The following COL5A2 variants were observed in gnomAD, a reference collection of about 807,000 sequenced individuals.
The protein encoded by COL5A2 is collagen type V alpha 2 chain.
Under a neutral mutation model 208.2 loss-of-function variants are expected in COL5A2, and 23 were observed. That is an observed-to-expected ratio of 0.11 (90% CI 0.08 to 0.16). The LOEUF is 0.16. Among genes scored for constraint, COL5A2 ranks in the 10% least tolerant of loss-of-function variants. The pLI, the probability that COL5A2 is intolerant of heterozygous loss-of-function variation, is 1.00. For synonymous variants in COL5A2, 625 were observed against 628.5 expected, an observed-to-expected ratio of 0.99 and a Z score of 0.08; for missense variants, 1,590 against 1,956.4, an observed-to-expected ratio of 0.81 and a Z score of 3.53.
chr2:189,213,766 G>T (rs1270809039), intron 1 of COL5A2, among the ~76,000 whole-genome samples: 5 of 152,148 alleles, frequency 3.3e-5, no homozygotes, highest in African/African-American at 1.2e-4. Flanking sequence ...ACAGAGAAAT[G>T]CAAGAAAGGG....
At chr2:189,227,412 A>G (rs114740548), upstream of COL5A2, among the ~76,000 whole-genome samples, 1 of 152,146 alleles carries the variant, frequency 6.6e-6, no homozygotes, top group Non-Finnish European at 1.5e-5. Flanking sequence ...GAAATTCACC[A>G]ATCAAAATAC....
chr2:189,311,553 G>T, the COL5A2 span: 3 of 1,265,172 alleles, frequency 2.4e-6, no homozygotes, highest in Non-Finnish European at 2.2e-6. Context: ...TGCTCCATCT[G>T]CTGGGCGTAG....
At chr2:189,357,946 A>G in the COL5A2 span, among the ~76,000 whole-genome samples, 3 of 152,022 alleles carry the variant, frequency 2.0e-5, no homozygotes, top group Non-Finnish European at 4.4e-5. Context: ...CTCATGGCAC[A>G]GCCCCTCACG....
the COL5A2 span, among the ~76,000 whole-genome samples, chr2:189,390,152 C>A: frequency 6.6e-6 from 1 of 151,852 alleles, no homozygotes; most frequent in African/African-American, 2.4e-5. Context: ...CAGAAGTAGG[C>A]CCCCTGAGGC....
chr2:189,054,430 A>G (rs1340140528), intron 35 of COL5A2, among the ~76,000 whole-genome samples: 1 of 152,102 alleles, frequency 6.6e-6, no homozygotes, highest in Non-Finnish European at 1.5e-5. Flanking sequence ...CAGTGTTTTA[A>G]TCTCTTTCAT....
chr2:189,419,935 A>T, the COL5A2 span, among the ~76,000 whole-genome samples: 1 of 142,778 alleles, frequency 7.0e-6, no homozygotes, highest in South Asian at 2.4e-4. Context: ...AGGGGAGGAG[A>T]GGAAAGGAAA....
the COL5A2 span, among the ~76,000 whole-genome samples, chr2:189,431,851 A>T: frequency 2.0e-5 from 3 of 152,182 alleles, no homozygotes; most frequent in Non-Finnish European, 2.9e-5. Flanking sequence ...AGAGAACACC[A>T]CAAAGATACT....
the COL5A2 span, among the ~76,000 whole-genome samples, chr2:189,428,637 A>G: frequency 6.6e-6 from 1 of 151,788 alleles, no homozygotes; most frequent in Non-Finnish European, 1.5e-5. Flanking sequence ...ATAAAAAAGT[A>G]TGAAGCACTT....
At chr2:189,044,408 C>G (rs934414273) in intron 47 of COL5A2, among the ~76,000 whole-genome samples, 2 of 151,878 alleles carry the variant, frequency 1.3e-5, no homozygotes, top group Non-Finnish European at 2.9e-5. Context: ...GGGGGATGAC[C>G]CAAAGTTTCA....
chr2:189,278,387 C>T, the COL5A2 span, among the ~76,000 whole-genome samples: 129,977 of 151,996 alleles, frequency 0.86, 56,667 homozygotes, highest in Non-Finnish European at 0.95. Context: ...ACCTTCTTGC[C>T]TGGTTAATAA....
rs80174981 is a variant in COL5A2 at position 189,068,906 on chromosome 2, T to C, written c.1159-22A>G. 22 of 1,527,018 alleles carry C rather than the reference T, an allele frequency of 1.4e-5. No homozygotes were observed. The East Asian group carries it at 4.9e-4, about 34-fold the overall frequency. The allele number at this position is 1,527,018 out of a possible 1,614,324, so 94.6% of individuals were successfully genotyped here. A position where few individuals can be genotyped will look rare whatever the true frequency, so the allele number is the denominator to read the frequency against. On this transcript the variant is annotated intron_variant, in intron 18 of 53. Coordinates refer to ENST00000374866, the MANE Select transcript of COL5A2 (RefSeq NM_000393.5). The stretch of plus-strand genomic sequence containing the variant: ...CTCCCTAAAAGGGTGCAAAGGGAAA[T>C]GTTAATTTAAGAAAAATACGAGAGT...
At chr2:189,362,351 A>G in the COL5A2 span, among the ~76,000 whole-genome samples, 1 of 152,168 alleles carries the variant, frequency 6.6e-6, no homozygotes, top group Non-Finnish European at 1.5e-5. Context: ...AATGAAAAGT[A>G]TTCAACTTAC....
the COL5A2 span, among the ~76,000 whole-genome samples, chr2:189,403,551 G>T: frequency 6.6e-6 from 1 of 152,020 alleles, no homozygotes. Context: ...ATTGATTGTG[G>T]GTTTGTCATA....
At chr2:189,388,744 T>C in the COL5A2 span, among the ~76,000 whole-genome samples, 2 of 152,218 alleles carry the variant, frequency 1.3e-5, no homozygotes, top group Non-Finnish European at 2.9e-5. Context: ...TTTGTTTTTC[T>C]AACATTAAGT....
rs542127616 is a variant in COL5A2, at chr2:189,125,292, A to G, written c.98-14843T>C. Among the ~76,000 whole-genome samples the G allele has an allele frequency of 2.6e-5, 4 of 152,280 alleles. No individual in the cohort carries two copies. The South Asian group carries it at 8.3e-4, about 32-fold the overall frequency. On this transcript the variant is annotated intron_variant, in intron 1 of 53. Coordinates refer to ENST00000374866, the MANE Select transcript of COL5A2 (RefSeq NM_000393.5). Reference sequence around the variant, plus strand: ...ATTGGTAAATAAAACAGTTAAGTAGATTTAGAGGCATTATTTTATGTCCAG... The same window carrying G: ...ATTGGTAAATAAAACAGTTAAGTAGGTTTAGAGGCATTATTTTATGTCCAG...
At chr2:189,194,458 G>C (rs1400621197) in intron 1 of COL5A2, among the ~76,000 whole-genome samples, 1 of 152,126 alleles carries the variant, frequency 6.6e-6, no homozygotes, top group Non-Finnish European at 1.5e-5. Flanking sequence ...GTGATCTCTT[G>C]CTTGACATAA....
chr2:189,092,782 G>C (rs539873792), intron 6 of COL5A2, among the ~76,000 whole-genome samples: 1 of 152,128 alleles, frequency 6.6e-6, no homozygotes, highest in Admixed American at 6.5e-5. Flanking sequence ...AAATTCACTT[G>C]TCTGTCACTG....
chr2:189,350,801 A>G, the COL5A2 span, among the ~76,000 whole-genome samples: 42,933 of 152,090 alleles, frequency 0.28, 6,312 homozygotes, highest in African/African-American at 0.34. Context: ...GAATTAGACC[A>G]GACTAGTCAA....
chr2:189,432,740 T>C, the COL5A2 span, among the ~76,000 whole-genome samples: 1 of 152,190 alleles, frequency 6.6e-6, no homozygotes, highest in South Asian at 2.1e-4. Flanking sequence ...TGGGAGACTT[T>C]AACACCCCAC....
Sources: allele counts gnomAD v4.1 joint callset (sites outside exome capture counted in the v4.1 genomes callset), GRCh38; gene constraint gnomAD v4.1.1; transcripts MANE v1.5; gene names NCBI Gene and HGNC (gene_info 2026-07-23, HGNC 2026-07-21).